The following PHYKPL variants were observed in gnomAD, a reference collection of about 807,000 sequenced individuals.
PHYKPL encodes 5-phosphonooxy-L-lysine phospho-lyase.
Under a neutral mutation model 51.3 loss-of-function variants are expected in PHYKPL, and 42 were observed. That is an observed-to-expected ratio of 0.82 (90% CI 0.64 to 1.06). The LOEUF is 1.06. Among genes scored for constraint, PHYKPL ranks in the 50% least tolerant of loss-of-function variants. The probability of loss-of-function intolerance (pLI) is 0.00; values close to 1 mark genes in which losing one functional copy is unlikely to be tolerated. For synonymous variants in PHYKPL, 264 were observed against 236.0 expected (o/e 1.12, Z -1.09); for missense variants, 655 against 586.6 (o/e 1.12, Z -1.20).
chr5:178,232,319 C>T, intron 1 of PHYKPL, 173 bp downstream of exon 1: 3 of 1,267,284 alleles, frequency 2.4e-6, no homozygotes, highest in Non-Finnish European at 3.0e-6. Context: ...AACGGCGCCG[C>T]CCGCCTCGGG....
At position 178,224,552 on chromosome 5, in the gene PHYKPL, C is replaced by T. The variant is rs1445319506; in HGVS notation, c.514G>A (p.Asp172Asn). Residue 172 changes from aspartate to asparagine, a missense_variant, in exon 6 of 13, where the codon GAC becomes AAC. Asp to Asn is a conservative substitution (Grantham distance 23). Transcript: ENST00000308158. ...KEWVHVAPLP[D>N]TYRGPYREDH... The stretch of plus-strand genomic sequence containing the variant: ...TCCCGGTAGGGGCCCCGGTAGGTGT[C>T]TGGGAGAGGTGCCTGTGGGGAGTGA... 1 of 1,614,212 alleles carries T rather than the reference C, an allele frequency of 6.2e-7. No homozygotes were observed. Among genetic ancestry groups the T allele is most frequent in the South Asian group, 1.1e-5 (1 of 91,086 alleles).
intron 6 of PHYKPL, chr5:178,223,514 T>C (rs1761634062): frequency 2.2e-6 from 1 of 456,154 alleles, no homozygotes; most frequent in African/African-American, 2.0e-5. Flanking sequence ...AACCATATTC[T>C]GCCTTACAGG....
In PHYKPL at chr5:178,209,540, A is replaced by G. The variant is rs149420681; in HGVS notation, c.*32-625T>C. The G allele has an allele frequency of 3.1e-3, 3,203 of 1,023,716 alleles. 77 individuals carry two copies. In the African/African-American group the frequency reaches 0.046, roughly 15 times the overall value. The allele number at this position is 1,023,716 out of a possible 1,614,324, so 63.4% of individuals were successfully genotyped here. On this transcript the variant is annotated intron_variant, in intron 12 of 12. Transcript: ENST00000308158. The stretch of plus-strand genomic sequence containing the variant: ...GGGGCTCCCTCTGGTGCTGTGCAGC[A>G]GGGGTGGGCAGATTGTGTGAGGTTG...
intron 8 of PHYKPL, chr5:178,216,629 G>C (rs1440276468): frequency 2.0e-5 from 3 of 152,214 alleles, no homozygotes. Context: ...ACAAAATTCT[G>C]AAACATGCAA....
intron 8 of PHYKPL, among the ~76,000 whole-genome samples, chr5:178,220,526 C>T (rs1308913964): frequency 6.6e-6 from 1 of 151,980 alleles, no homozygotes; most frequent in African/African-American, 2.4e-5. Flanking sequence ...AGGATATACA[C>T]TATATACACT....
intron 11 of PHYKPL, among the ~76,000 whole-genome samples, chr5:178,212,452 T>C (rs17639190): frequency 0.076 from 11,588 of 152,298 alleles, 614 homozygotes; most frequent in Non-Finnish European, 0.11. Context: ...TGAGATTTCC[T>C]TGTAAGTGGA....
At chr5:178,227,228 C>CACACAAAGAG (rs1762480008) in intron 3 of PHYKPL, among the ~76,000 whole-genome samples, 1 of 152,130 alleles carries the variant, frequency 6.6e-6, no homozygotes, top group South Asian at 2.1e-4. Flanking sequence ...AAAATCTGGA[C>CACACAAAGAG]ACACAAAGAG....
At chr5:178,214,910 C>T (rs1561690860) in intron 9 of PHYKPL, 25 bp from the exon 10 acceptor site, 1 of 1,609,724 alleles carries the variant, frequency 6.2e-7, no homozygotes, top group South Asian at 1.1e-5. Flanking sequence ...GACGACATCT[C>T]AGGAGGCCAG....
chr5:178,232,335 G>A (rs1171875764), intron 1 of PHYKPL, 157 bp downstream of exon 1: 2 of 1,273,092 alleles, frequency 1.6e-6, no homozygotes, highest in South Asian at 2.6e-5. Context: ...TCGGGCCCTA[G>A]AAGCTCCAGC....
At position 178,222,587 on chromosome 5, in the gene PHYKPL, C is replaced by G. The variant is rs748277104; in HGVS notation, c.702-7G>C. 2.5e-6 allele frequency: 4 copies of G among 1,613,472 alleles called. No homozygotes were observed. Among genetic ancestry groups the G allele is most frequent in the Non-Finnish European group, 3.4e-6 (4 of 1,179,440 alleles). On this transcript the variant is annotated splice_polypyrimidine_tract_variant and splice_region_variant and intron_variant, in intron 7 of 12. Coordinates refer to ENST00000308158, the MANE Select transcript of PHYKPL (RefSeq NM_153373.4). ...TCCGGCCTTGCGGATGTGCCTGTGG[C>G]AGAGGAGATGACTGACACGGGGGCT...
chr5:178,232,444 T>TCTCCGCGCAG, intron 1 of PHYKPL, 48 bp downstream of exon 1: 6 of 1,379,230 alleles, frequency 4.4e-6, no homozygotes, highest in Middle Eastern at 2.7e-4. Flanking sequence ...TGCGCGTGCC[T>TCTCCGCGCAG]CTCCGCGCAG....
intron 12 of PHYKPL, chr5:178,210,252 A>G: frequency 6.2e-7 from 1 of 1,613,994 alleles, no homozygotes; most frequent in South Asian, 1.1e-5. Flanking sequence ...TATTACGGCT[A>G]CGGCCCCGGC....
chr5:178,232,310 A>G (rs1763641284), intron 1 of PHYKPL, 182 bp downstream of exon 1: 1 of 1,261,942 alleles, frequency 7.9e-7, no homozygotes, highest in African/African-American at 1.6e-5. Context: ...GGACTGCCCA[A>G]CGGCGCCGCC....
intron 8 of PHYKPL, among the ~76,000 whole-genome samples, chr5:178,220,753 A>G (rs1394628838): frequency 2.0e-5 from 3 of 151,926 alleles, no homozygotes; most frequent in African/African-American, 7.2e-5. Context: ...AAAACATGGA[A>G]CGACCTCAAA....
At chr5:178,215,538 G>A in intron 8 of PHYKPL, 108 bp from the exon 9 acceptor site, 2 of 1,362,860 alleles carry the variant, frequency 1.5e-6, no homozygotes, top group Non-Finnish European at 2.0e-6. Flanking sequence ...CCAGTGGCAA[G>A]AGCAGAGGCC....
At chr5:178,216,017 T>C (rs1280672938) in intron 8 of PHYKPL, 1 of 152,296 alleles carries the variant, frequency 6.6e-6, no homozygotes, top group Non-Finnish European at 1.5e-5. Flanking sequence ...ATCAGCTTTG[T>C]TGAGGTATAA....
intron 12 of PHYKPL, chr5:178,210,351 G>T: frequency 6.2e-7 from 1 of 1,601,602 alleles, no homozygotes; most frequent in Non-Finnish European, 8.5e-7. Context: ...GCCACTGGCA[G>T]CAGGGGCTTT....
chr5:178,217,989 G>A (rs1160049325), intron 8 of PHYKPL, among the ~76,000 whole-genome samples: 2 of 150,080 alleles, frequency 1.3e-5, no homozygotes, highest in African/African-American at 2.5e-5. Context: ...AGGCCGAGAC[G>A]GGCGGATCAC....
intron 10 of PHYKPL, among the ~76,000 whole-genome samples, chr5:178,213,833 G>A (rs1334226573): frequency 6.6e-6 from 1 of 152,218 alleles, no homozygotes; most frequent in Non-Finnish European, 1.5e-5. Context: ...ACAGGGCTTG[G>A]ACTTTGGAGT....
Sources: gnomAD v4.1 joint callset for allele counts (sites outside exome capture counted in the v4.1 genomes callset) on GRCh38, gnomAD v4.1.1 for gene constraint, MANE v1.5 for transcripts, NCBI Gene and HGNC (gene_info 2026-07-23, HGNC 2026-07-21) for gene names.